Variants in PPP1R3F observed in about 807,000 individuals in gnomAD.
PPP1R3F encodes protein phosphatase 1 regulatory subunit 3F.
Under a neutral mutation model 24.2 loss-of-function variants are expected in PPP1R3F, and 29 were observed. The observed-to-expected ratio is 1.20, with a 90% CI of 0.89 to 1.63. The LOEUF (loss-of-function observed/expected upper bound fraction) is 1.63, where lower values mean the gene tolerates loss of function less well. PPP1R3F is among the 40% of genes most tolerant of loss of function. The pLI is 0.00. For synonymous variants in PPP1R3F, 363 were observed against 340.1 expected (o/e 1.07, Z -0.74); for missense variants, 823 against 729.3 (o/e 1.13, Z -1.48).
At chrX:49,295,954 G>C (rs1421116878) in intron 3 of PPP1R3F, among the ~76,000 whole-genome samples, 1 of 110,871 alleles carries the variant, frequency 9.0e-6, no homozygotes, top group African/African-American at 3.3e-5. Flanking sequence ...TGATACATGA[G>C]GTATCATATT....
intron 3 of PPP1R3F, among the ~76,000 whole-genome samples, chrX:49,285,133 A>G (rs1404204662): frequency 9.0e-6 from 1 of 111,243 alleles, no homozygotes; most frequent in Non-Finnish European, 1.9e-5. Context: ...ATTGTGTAAT[A>G]ATCACATCAT....
At chrX:49,292,968 G>A (rs1426039870), downstream of PPP1R3F, among the ~76,000 whole-genome samples, 1 of 112,229 alleles carries the variant, frequency 8.9e-6, no homozygotes, top group Non-Finnish European at 1.9e-5. Context: ...GGCCACCTCA[G>A]GCATGGCCGG....
At position 49,299,578 on chromosome X, in the gene PPP1R3F, G is replaced by C. The variant is rs1036051315; in HGVS notation, c.393-1773G>C. On this transcript the variant is annotated intron_variant, in intron 3 of 3. Coordinates refer to the PPP1R3F transcript ENST00000471261. ...CTGCTCTCTTGAGAGCCAGCAGGCA[G>C]GAACATTTAAGTCTGCTGAAGCTGT... 8.9e-5 allele frequency among the ~76,000 whole-genome samples: 10 copies of C among 112,098 alleles called. No individual in the cohort carries two copies. The Admixed American group carries it at 9.4e-4, about 11-fold the overall frequency.
At chrX:49,281,815 G>A (rs1445687863) in intron 2 of PPP1R3F, among the ~76,000 whole-genome samples, 166 bp from the exon 3 acceptor site, 2 of 110,757 alleles carry the variant, frequency 1.8e-5, no homozygotes, top group Non-Finnish European at 3.8e-5. Context: ...GTGACACATC[G>A]AGACCCTATC....
intron 1 of PPP1R3F, among the ~76,000 whole-genome samples, chrX:49,272,571 C>T (rs1458502455): frequency 8.9e-6 from 1 of 112,933 alleles, no homozygotes; most frequent in Non-Finnish European, 1.9e-5. Context: ...GATTCCTCTC[C>T]TAAATTCGGC....
chrX:49,282,441 C>CTGTGTGTGTG (rs2066254774), intron 3 of PPP1R3F, among the ~76,000 whole-genome samples: 3 of 54,820 alleles, frequency 5.5e-5, no homozygotes, highest in African/African-American at 2.1e-4. Flanking sequence ...GGGTGAGAGA[C>CTGTGTGTGTG]TCTGTGTGTG....
At position 49,286,252 on chromosome X, in the gene PPP1R3F, C is replaced by A; in HGVS notation, c.1562C>A (p.Ser521Tyr). 1.7e-6 allele frequency: 2 copies of A among 1,210,095 alleles called. No individual in the cohort carries two copies. The highest frequency in any genetic ancestry group is 2.2e-6 in the Non-Finnish European group (2 of 894,753). ...GGEGSTDGGM[S>Y]PSHPLGILTD... is the part of the protein sequence containing the mutation. ...GAGGGCTCCACAGATGGAGGGATGTCCCCCAGCCATCCCCTGGGCATACTG... is the reference window on the plus strand; with the variant it reads ...GAGGGCTCCACAGATGGAGGGATGTACCCCAGCCATCCCCTGGGCATACTG... The change falls in exon 4 of 4, where the codon TCC becomes TAC. Residue 521 changes from serine to tyrosine, a missense_variant. Physicochemically the swap from Ser to Tyr is moderately radical, Grantham distance 144 (BLOSUM62 -2). Coordinates refer to ENST00000055335, the MANE Select transcript of PPP1R3F (RefSeq NM_033215.5).
intron 1 of PPP1R3F, among the ~76,000 whole-genome samples, chrX:49,278,234 T>C (rs920817319): frequency 8.9e-6 from 1 of 112,068 alleles, no homozygotes; most frequent in Non-Finnish European, 1.9e-5. Context: ...GTAATATATG[T>C]CCGGACTAGG....
At chrX:49,282,567 G>C (rs998700548) in intron 3 of PPP1R3F, among the ~76,000 whole-genome samples, 1 of 106,698 alleles carries the variant, frequency 9.4e-6, no homozygotes, top group Non-Finnish European at 1.9e-5. Flanking sequence ...AGATCTGAGC[G>C]AAGATCTGAG....
At chrX:49,291,016 T>C (rs1321977239), downstream of PPP1R3F, among the ~76,000 whole-genome samples, 3 of 111,988 alleles carry the variant, frequency 2.7e-5, no homozygotes, top group African/African-American at 9.7e-5. Context: ...AGACGCAATC[T>C]TGTTCTGTCA....
intron 1 of PPP1R3F, chrX:49,274,694 C>T (rs1282046217): frequency 8.9e-6 from 1 of 112,292 alleles, no homozygotes; most frequent in Admixed American, 9.4e-5. Context: ...TCATCGGCCA[C>T]CCTGCCTAGC....
chrX:49,294,018 A>C (rs951667691), intron 3 of PPP1R3F, among the ~76,000 whole-genome samples: 42 of 111,603 alleles, frequency 3.8e-4, no homozygotes, highest in African/African-American at 1.3e-3. Flanking sequence ...AAACAACCAA[A>C]CAAGCAAAAC....
Position 49,270,652 on chromosome X carries a change from C to A in PPP1R3F, c.783C>A (p.Phe261Leu). 5 of 1,209,008 alleles carry A rather than the reference C, an allele frequency of 4.1e-6. No homozygotes were observed. The highest frequency in any genetic ancestry group is 5.6e-6 in the Non-Finnish European group (5 of 894,740). Residue 261 changes from phenylalanine to leucine, a missense_variant, in exon 1 of 4, where the codon TTC (phenylalanine) becomes TTA (leucine). Phe to Leu is a conservative substitution (Grantham distance 22). Transcript: ENST00000055335. ...CGGGCGATGGGGCGCGCCTCGACTT[C>A]GTGGTGCGCTATGAGACCCCTGAGG... ...EGAGDGARLD[F>L]VVRYETPEGT...
intron 1 of PPP1R3F, among the ~76,000 whole-genome samples, chrX:49,272,129 G>A (rs1182150430): frequency 3.6e-5 from 4 of 112,052 alleles, no homozygotes; most frequent in African/African-American, 1.3e-4. Flanking sequence ...GACATTTGTG[G>A]GTTCTGCTGG....
chrX:49,286,558 G>A lies in PPP1R3F; in HGVS notation c.1868G>A (p.Gly623Asp). 1 of 1,211,838 alleles carries A rather than the reference G, an allele frequency of 8.3e-7. No individual in the cohort carries two copies. Among genetic ancestry groups the A allele is most frequent in the Non-Finnish European group, 1.1e-6 (1 of 895,387 alleles). ...GATGTGTGGCTCCCATGGGCAGAGGGCTCAGGATGTGACGGCCCTGTGGTT... is the reference window on the plus strand; with the variant it reads ...GATGTGTGGCTCCCATGGGCAGAGGACTCAGGATGTGACGGCCCTGTGGTT... ...MGDVWLPWAE[G>D]SGCDGPVVLG... is the part of the protein sequence containing the mutation. Residue 623 changes from glycine to aspartate, a missense_variant, in exon 4 of 4, where the codon GGC (glycine) becomes GAC (aspartate). Coordinates refer to ENST00000055335, the MANE Select transcript of PPP1R3F (RefSeq NM_033215.5).
rs781987712 is a variant in PPP1R3F, at chrX:49,286,331, C to T, written c.1641C>T (p.Ser547=). 10 of 1,207,001 alleles carry T rather than the reference C, an allele frequency of 8.3e-6. No individual in the cohort carries two copies. Among genetic ancestry groups the T allele is most frequent in the Middle Eastern group, 2.3e-4 (1 of 4,334 alleles). Residue 547 remains serine, a synonymous_variant, in exon 4 of 4, where the codon AGC becomes AGT. Transcript: ENST00000055335. Reference sequence around the variant, plus strand: ...CTGGCCCTGAGCGGGCCCTGAACAGCGCCCTGGCTGAGGAGATCACGCTGC... The same window carrying T: ...CTGGCCCTGAGCGGGCCCTGAACAGTGCCCTGGCTGAGGAGATCACGCTGC... The part of the protein sequence containing the change: ...KWPGPERALN[S]ALAEEITLHY...
chrX:49,291,316 C>CTG (rs1557122355), downstream of PPP1R3F, among the ~76,000 whole-genome samples: 1 of 88,351 alleles, frequency 1.1e-5, no homozygotes, highest in Non-Finnish European at 2.4e-5. Flanking sequence ...CTCTCTCTCT[C>CTG]TCTCTCTCTC....
chrX:49,290,084 AC>A (rs111857735), downstream of PPP1R3F, among the ~76,000 whole-genome samples: 2,475 of 106,431 alleles, frequency 0.023, 72 homozygotes, highest in African/African-American at 0.081. Context: ...AAACAAAACA[AC>A]CCCCCCCATA....
At position 49,285,036 on chromosome X, in the gene PPP1R3F, A is replaced by AT. The variant is rs2066272892; in HGVS notation, c.1144-790dup. Among the ~76,000 whole-genome samples, 3 of 110,332 alleles carry AT rather than the reference A, an allele frequency of 2.7e-5. No homozygotes were observed. In the Admixed American group the frequency reaches 2.9e-4, roughly 11 times the overall value. ...ATGTTTTGGGATTTTTTTGCATTTT[A>AT]TTTTTTTTAAAATTTTTTTAATTTT... On this transcript the variant is annotated intron_variant, in intron 3 of 3. Coordinates refer to ENST00000055335, the MANE Select transcript of PPP1R3F (RefSeq NM_033215.5).
Sources: gnomAD v4.1 joint callset for allele counts (sites outside exome capture counted in the v4.1 genomes callset) on GRCh38, gnomAD v4.1.1 for gene constraint, MANE v1.5 for transcripts, NCBI Gene and HGNC (gene_info 2026-07-23, HGNC 2026-07-21) for gene names.